The following RRM2 variants were observed in gnomAD, a reference collection of about 807,000 sequenced individuals.
RRM2 encodes the protein ribonucleoside-diphosphate reductase subunit M2.
In RRM2, 6 loss-of-function variants were observed where a neutral mutation model predicts 45.9. The observed-to-expected ratio is 0.13, with a 90% CI of 0.07 to 0.26. RRM2 has a LOEUF of 0.26. Ranked by LOEUF, RRM2 falls within the 10% of genes least tolerant of loss-of-function variation. The pLI is 1.00. For synonymous variants in RRM2, 177 were observed against 173.0 expected (o/e 1.02, Z -0.18); for missense variants, 343 against 489.5 (o/e 0.70, Z 2.82).
intron 3 of RRM2, among the ~76,000 whole-genome samples, chr2:10,158,589 T>C (rs1572507731): frequency 6.6e-6 from 1 of 152,168 alleles, no homozygotes; most frequent in East Asian, 1.9e-4. Context: ...CTGGCTCCGA[T>C]GCTCTTCCTC....
At chr2:10,123,957 T>G (rs530374018) in intron 4 of RRM2, 105 bp downstream of exon 4, 1 of 719,808 alleles carries the variant, frequency 1.4e-6, no homozygotes, top group Non-Finnish European at 2.5e-6. Context: ...TGCATCTGTG[T>G]GTGTAAGCTG....
intron 3 of RRM2, among the ~76,000 whole-genome samples, chr2:10,158,082 A>G (rs187113843): frequency 2.6e-5 from 4 of 152,318 alleles, no homozygotes; most frequent in Admixed American, 6.5e-5. Flanking sequence ...TCATCTTCAT[A>G]AATGCTGCCA....
chr2:10,123,981 A>G (rs1046736089), intron 4 of RRM2, 129 bp downstream of exon 4: 55 of 681,270 alleles, frequency 8.1e-5, no homozygotes, highest in Non-Finnish European at 5.8e-5. Context: ...TTTATATTAC[A>G]TGGCATTTCC....
At chr2:10,188,904 C>T (rs564350568) in intron 3 of RRM2, among the ~76,000 whole-genome samples, 6 of 152,224 alleles carry the variant, frequency 3.9e-5, no homozygotes, top group East Asian at 1.9e-4. Context: ...CAGTCCTGGC[C>T]GCATTTGGAG....
rs1345067162 is a variant in RRM2, at chr2:10,130,396, G to A, written c.*1010G>A. On this transcript the variant is annotated 3_prime_UTR_variant, in exon 10 of 10. Coordinates refer to ENST00000304567, the MANE Select transcript of RRM2 (RefSeq NM_001034.4). ...GTTGTTCATTCTAGTTTTGTTTGGT[G>A]TAAGTAGGTTGTGTGAGTTAATTCA... 2 of 152,288 alleles carry A rather than the reference G, an allele frequency of 1.3e-5. No homozygotes were observed. Among genetic ancestry groups the A allele is most frequent in the African/African-American group, 4.8e-5 (2 of 41,568 alleles). 9.4% of individuals were successfully genotyped at this position (152,288 alleles called of 1,614,324 possible). A position where few individuals can be genotyped will look rare whatever the true frequency, so the allele number is the denominator to read the frequency against.
intron 3 of RRM2, among the ~76,000 whole-genome samples, chr2:10,176,279 CT>C (rs970469716): frequency 6.6e-6 from 1 of 151,738 alleles, no homozygotes; most frequent in Non-Finnish European, 1.5e-5. Context: ...AATTTTTTTT[CT>C]TTTTTTAGAT....
chr2:10,162,146 A>G (rs1034760751), intron 3 of RRM2, among the ~76,000 whole-genome samples: 11 of 152,032 alleles, frequency 7.2e-5, no homozygotes, highest in African/African-American at 2.7e-4. Context: ...CCTGCTGTTT[A>G]GTGGGAAGAG....
chr2:10,132,816 A>G (rs1033061536), downstream of RRM2, among the ~76,000 whole-genome samples: 1 of 152,348 alleles, frequency 6.6e-6, no homozygotes, highest in East Asian at 1.9e-4. Context: ...AAGATGACCA[A>G]CTACTAGGAC....
At position 10,122,972 on chromosome 2, in the gene RRM2, T is replaced by C; in HGVS notation, c.100-11T>C. ...CGAAGCCGCTCCTCACTCACACGCG[T>C]CTCCCCGCAGCCGCCGGCCCTGAGC... is the stretch of plus-strand genomic sequence containing the variant. On this transcript the variant is annotated splice_polypyrimidine_tract_variant and intron_variant, in intron 1 of 9. Transcript: ENST00000304567. 6.5e-7 allele frequency: 1 copy of C among 1,548,588 alleles called. No individual in the cohort carries two copies.
At chr2:10,125,619 G>A (rs1222825511) in intron 5 of RRM2, among the ~76,000 whole-genome samples, 3 of 152,220 alleles carry the variant, frequency 2.0e-5, no homozygotes, top group African/African-American at 4.8e-5. Context: ...GCGTGAACCC[G>A]GGAGGCGGAG....
At chr2:10,153,590 A>G (rs919870417) in intron 3 of RRM2, among the ~76,000 whole-genome samples, 2 of 152,098 alleles carry the variant, frequency 1.3e-5, no homozygotes, top group African/African-American at 4.8e-5. Context: ...CTTCTCTAGG[A>G]AAAAAAGAGG....
At chr2:10,134,257 A>T (rs1193862660), downstream of RRM2, among the ~76,000 whole-genome samples, 3 of 151,894 alleles carry the variant, frequency 2.0e-5, no homozygotes, top group African/African-American at 7.3e-5. Context: ...GAAAGTGACC[A>T]TGGAGGCCCC....
At chr2:10,152,960 G>C (rs1412838413) in intron 3 of RRM2, among the ~76,000 whole-genome samples, 1 of 152,186 alleles carries the variant, frequency 6.6e-6, no homozygotes, top group Non-Finnish European at 1.5e-5. Flanking sequence ...ACCTTGTAAA[G>C]ATAGCTGCAC....
intron 3 of RRM2, among the ~76,000 whole-genome samples, chr2:10,147,964 G>A (rs1663224993): frequency 6.6e-6 from 1 of 151,844 alleles, no homozygotes; most frequent in Non-Finnish European, 1.5e-5. Context: ...GGCCAACATG[G>A]TGAAACCCTG....
intron 3 of RRM2, among the ~76,000 whole-genome samples, chr2:10,197,937 C>T (rs1664448766): frequency 6.6e-6 from 1 of 152,286 alleles, no homozygotes; most frequent in East Asian, 1.9e-4. Flanking sequence ...GCCTGTCTGC[C>T]TGTCTGACCA....
intron 3 of RRM2, among the ~76,000 whole-genome samples, chr2:10,163,371 G>A (rs1467147755): frequency 2.6e-5 from 4 of 151,956 alleles, no homozygotes; most frequent in Admixed American, 6.6e-5. Flanking sequence ...CTGGGGCTGG[G>A]GCCAAGCCCA....
In RRM2 at chr2:10,175,213, G is replaced by A. The variant is rs76306627; in HGVS notation, n.482+32838G>A. ...GCATGGCCAGTGCCCAGAGGGCACCGCAGGCCCTGCCTAGCCACACTCACA... is the reference window on the plus strand; with the variant it reads ...GCATGGCCAGTGCCCAGAGGGCACCACAGGCCCTGCCTAGCCACACTCACA... On this transcript the variant is annotated intron_variant and non_coding_transcript_variant, in intron 3 of 3. Coordinates refer to the RRM2 transcript ENST00000381786. Among the ~76,000 whole-genome samples the A allele has an allele frequency of 3.0e-3, 450 of 152,322 alleles. 4 individuals carry two copies. The highest frequency in any genetic ancestry group is 5.2e-3 in the Non-Finnish European group (354 of 68,020).
chr2:10,160,441 C>A (rs1663531550), intron 3 of RRM2, among the ~76,000 whole-genome samples: 1 of 152,328 alleles, frequency 6.6e-6, no homozygotes, highest in South Asian at 2.1e-4. Flanking sequence ...TCGGGCCCTG[C>A]AGCTTTGAGC....
Position 10,204,933 on chromosome 2 carries a change from C to T in RRM2, n.483-5378C>T, listed in dbSNP as rs1664635553. On this transcript the variant is annotated intron_variant and non_coding_transcript_variant, in intron 3 of 3. Transcript: ENST00000381786. This position sits in a 1 kb window ranked among gnomAD's most constrained non-coding sequence, Gnocchi z 4.0. The stretch of plus-strand genomic sequence containing the variant: ...GGGTCCTATGGGGTCCTACAGGAAG[C>T]ATAGGCATGGTCCCTGGTGGTCCCC... Among the ~76,000 whole-genome samples the T allele has an allele frequency of 6.6e-6, 1 of 152,224 alleles. No individual in the cohort carries two copies. Among genetic ancestry groups the T allele is most frequent in the South Asian group, 2.1e-4 (1 of 4,834 alleles).
Sources: allele counts gnomAD v4.1 joint callset (sites outside exome capture counted in the v4.1 genomes callset), GRCh38; gene constraint gnomAD v4.1.1; non-coding constraint Gnocchi (gnomAD v3.1); transcripts MANE v1.5; gene names NCBI Gene and HGNC (gene_info 2026-07-23, HGNC 2026-07-21).